The following CNOT9 variants were observed in gnomAD, a reference collection of about 807,000 sequenced individuals.
CNOT9 encodes RCD1 required for cell differentiation1 homolog.
Under a neutral mutation model 37.4 loss-of-function variants are expected in CNOT9, and 8 were observed. The ratio of observed to expected loss-of-function variants is 0.21; its 90% CI spans 0.13 to 0.39. The LOEUF is 0.39. Ranked by LOEUF, CNOT9 falls within the 10% of genes least tolerant of loss-of-function variation. The pLI is 1.00. For synonymous variants in CNOT9, 120 were observed against 137.6 expected (o/e 0.87, Z 0.90); for missense variants, 154 against 365.3 (o/e 0.42, Z 4.71).
In CNOT9 at chr2:218,592,459, T is replaced by C. The variant is rs1694811602; in HGVS notation, c.639+57T>C. 1 of 1,518,456 alleles carries C rather than the reference T, an allele frequency of 6.6e-7. No individual in the cohort carries two copies. The highest frequency in any genetic ancestry group is 1.7e-5 in the Admixed American group (1 of 59,840). 94.1% of individuals were successfully genotyped at this position (1,518,456 alleles called of 1,614,324 possible). Reference sequence around the variant, plus strand: ...ACTTCTCATCACAAAGCTTAATCTCTTTATAACTGGCATTGAACAACTTCA... The same window carrying C: ...ACTTCTCATCACAAAGCTTAATCTCCTTATAACTGGCATTGAACAACTTCA... On this transcript the variant is annotated intron_variant, in intron 6 of 7. Coordinates refer to ENST00000273064, the MANE Select transcript of CNOT9 (RefSeq NM_005444.3). This position sits in a 1 kb window ranked among gnomAD's most constrained non-coding sequence, Gnocchi z 4.1.
intron 7 of CNOT9, chr2:218,593,553 T>G: frequency 6.7e-7 from 1 of 1,503,130 alleles, no homozygotes; most frequent in Non-Finnish European, 8.9e-7. Flanking sequence ...TTTCTGCTGG[T>G]CATCTTTTCA....
In CNOT9 at chr2:218,596,208, G is replaced by A. The variant is rs1694922194; in HGVS notation, c.*1932G>A. The A allele has an allele frequency of 6.6e-6, 1 of 152,130 alleles. No homozygotes were observed. Among genetic ancestry groups the A allele is most frequent in the Non-Finnish European group, 1.5e-5 (1 of 68,046 alleles). 9.4% of individuals were successfully genotyped at this position (152,130 alleles called of 1,614,324 possible). On this transcript the variant is annotated 3_prime_UTR_variant, in exon 8 of 8. Transcript: ENST00000273064. Reference sequence around the variant, plus strand: ...CTTCTCTCCATCTTTCGGTGCATTGGCCATGTTACTGTGCCAAAGTGTCTT... The same window carrying A: ...CTTCTCTCCATCTTTCGGTGCATTGACCATGTTACTGTGCCAAAGTGTCTT...
chr2:218,594,478 A>C lies in CNOT9; in HGVS notation c.*202A>C. 1 of 580,556 alleles carries C rather than the reference A, an allele frequency of 1.7e-6. No homozygotes were observed. Among genetic ancestry groups the C allele is most frequent in the South Asian group, 2.3e-5 (1 of 42,700 alleles). The allele number at this position is 580,556 out of a possible 1,614,324, so 36.0% of individuals were successfully genotyped here. On this transcript the variant is annotated 3_prime_UTR_variant, in exon 8 of 8. Transcript: ENST00000273064. The stretch of plus-strand genomic sequence containing the variant: ...CTTGAGGACCTGGGCTCCCTCTGCT[A>C]CTCCCAGGAAATGGGCTCCTGACAC...
intron 3 of CNOT9, among the ~76,000 whole-genome samples, chr2:218,583,433 G>A (rs1694485042): frequency 6.6e-6 from 1 of 152,102 alleles, no homozygotes; most frequent in Non-Finnish European, 1.5e-5. Flanking sequence ...ATAGTGCATG[G>A]CATATAAGAG....
intron 2 of CNOT9, 136 bp from the exon 3 acceptor site, chr2:218,582,835 C>T: frequency 1.6e-6 from 1 of 612,870 alleles, no homozygotes; most frequent in South Asian, 2.0e-5. Flanking sequence ...TCTGCTCCCT[C>T]TTTGATGACT....
chr2:218,581,787 A>G (rs1694392750), intron 2 of CNOT9, among the ~76,000 whole-genome samples: 1 of 152,236 alleles, frequency 6.6e-6, no homozygotes, highest in Non-Finnish European at 1.5e-5. Context: ...AAATAATGTA[A>G]ATGGAAAATT....
chr2:218,585,638 A>T (rs1427391322), intron 4 of CNOT9, among the ~76,000 whole-genome samples: 13 of 41,908 alleles, frequency 3.1e-4, no homozygotes, highest in Admixed American at 1.9e-3. Flanking sequence ...TTTTTATTTT[A>T]TTTTTTTTTT....
chr2:218,568,849 C>G lies in CNOT9; in HGVS notation c.-106C>G. ...CGAAGTGGGCGGAGCGAGCCGGAGT[C>G]GGATGGCGGCTACGGCGGCTCATTG... On this transcript the variant is annotated 5_prime_UTR_variant, in exon 1 of 8. Transcript: ENST00000273064. The G allele has an allele frequency of 7.5e-7, 1 of 1,337,068 alleles. No homozygotes were observed. Among genetic ancestry groups the G allele is most frequent in the Non-Finnish European group, 1.0e-6 (1 of 962,582 alleles). 82.8% of individuals were successfully genotyped at this position (1,337,068 alleles called of 1,614,324 possible).
chr2:218,590,595 T>C (rs1200020309), intron 5 of CNOT9, among the ~76,000 whole-genome samples: 4 of 152,164 alleles, frequency 2.6e-5, no homozygotes, highest in South Asian at 2.1e-4. Context: ...CTAAAGTCAA[T>C]GTATCAGGAG....
intron 5 of CNOT9, among the ~76,000 whole-genome samples, chr2:218,589,522 G>C (rs577520236): frequency 7.2e-5 from 11 of 152,208 alleles, no homozygotes; most frequent in Middle Eastern, 3.4e-3. Flanking sequence ...TTTTTGTAAA[G>C]ACAAGGTCTC....
Position 218,595,629 on chromosome 2 carries a change from T to A in CNOT9, c.*1353T>A, listed in dbSNP as rs1161496121. 1 of 151,530 alleles carries A rather than the reference T, an allele frequency of 6.6e-6. No individual in the cohort carries two copies. The highest frequency in any genetic ancestry group is 1.5e-5 in the Non-Finnish European group (1 of 67,924). The allele number at this position is 151,530 out of a possible 1,614,324, so 9.4% of individuals were successfully genotyped here. ...GCTAGCACCTGCTTTCTCATCCCTATCTCCAGTCAAAGATGGGATTGCTTA... is the reference window on the plus strand; with the variant it reads ...GCTAGCACCTGCTTTCTCATCCCTAACTCCAGTCAAAGATGGGATTGCTTA... On this transcript the variant is annotated 3_prime_UTR_variant, in exon 8 of 8. Coordinates refer to ENST00000273064, the MANE Select transcript of CNOT9 (RefSeq NM_005444.3).
At chr2:218,590,737 A>G (rs969698841) in intron 5 of CNOT9, among the ~76,000 whole-genome samples, 2 of 152,022 alleles carry the variant, frequency 1.3e-5, no homozygotes, top group Non-Finnish European at 2.9e-5. Flanking sequence ...GCATGTTCAA[A>G]TCTCTTTCTG....
rs913772090 is a variant in CNOT9, at chr2:218,580,584, A to G, written c.48A>G (p.Gln16=). 6.2e-7 allele frequency: 1 copy of G among 1,613,516 alleles called. No homozygotes were observed. Among genetic ancestry groups the G allele is most frequent in the Non-Finnish European group, 8.5e-7 (1 of 1,179,640 alleles). The change falls in exon 2 of 8, where the codon CAA becomes CAG. Residue 16 remains glutamine (Q), a synonymous_variant. Coordinates refer to ENST00000273064, the MANE Select transcript of CNOT9 (RefSeq NM_005444.3). The part of the protein sequence containing the change: ...TAAPVPTTLA[Q]VDREKIYQWI... ...AGCCTGTGCCTACTACACTGGCACAAGTGGATAGAGAAAAGATCTATCAGT... is the reference window on the plus strand; with the variant it reads ...AGCCTGTGCCTACTACACTGGCACAGGTGGATAGAGAAAAGATCTATCAGT...
intron 5 of CNOT9, among the ~76,000 whole-genome samples, chr2:218,590,823 T>TG (rs202145653): frequency 7.0e-6 from 1 of 143,064 alleles, no homozygotes; most frequent in South Asian, 2.3e-4. Context: ...TTGTTGTTGT[T>TG]TTGTTTGTTT....
At chr2:218,581,163 T>C in intron 2 of CNOT9, 1 of 297,740 alleles carries the variant, frequency 3.4e-6, no homozygotes. Flanking sequence ...TTTTTTTGTT[T>C]GTTTTTCTTT....
chr2:218,583,254 TCTCTCTCTCTC>T (rs1694476733), intron 3 of CNOT9, among the ~76,000 whole-genome samples, 168 bp downstream of exon 3: 7 of 50,424 alleles, frequency 1.4e-4, no homozygotes, highest in African/African-American at 5.6e-4. Context: ...TCTCTCTCTC[TCTCTCTCTCTC>T]TCTCTCTCTC....
chr2:218,568,873 T>G lies in CNOT9; in HGVS notation c.-82T>G. 6.6e-7 allele frequency: 1 copy of G among 1,504,110 alleles called. No homozygotes were observed. Among genetic ancestry groups the G allele is most frequent in the South Asian group, 1.2e-5 (1 of 84,070 alleles). The allele number at this position is 1,504,110 out of a possible 1,614,324, so 93.2% of individuals were successfully genotyped here. A position where few individuals can be genotyped will look rare whatever the true frequency, so the allele number is the denominator to read the frequency against. On this transcript the variant is annotated 5_prime_UTR_variant, in exon 1 of 8. It adds an upstream start codon to the 5' untranslated region. Coordinates refer to ENST00000273064, the MANE Select transcript of CNOT9 (RefSeq NM_005444.3). The stretch of plus-strand genomic sequence containing the variant: ...TCGGATGGCGGCTACGGCGGCTCAT[T>G]GTTTTCCGCTGCAGGGGTGCTGAAG...
At position 218,592,810 on chromosome 2, in the gene CNOT9, A is replaced by T; in HGVS notation, c.731+103A>T. 1.2e-6 allele frequency: 1 copy of T among 853,006 alleles called. No homozygotes were observed. The highest frequency in any genetic ancestry group is 1.9e-6 in the Non-Finnish European group (1 of 521,546). 52.8% of individuals were successfully genotyped at this position (853,006 alleles called of 1,614,324 possible). A position where few individuals can be genotyped will look rare whatever the true frequency, so the allele number is the denominator to read the frequency against. ...GTGTCTTTAGGACAGGGAAGTGGGGATATAACTGCATTTAGTTTGTCTGAG... is the reference window on the plus strand; with the variant it reads ...GTGTCTTTAGGACAGGGAAGTGGGGTTATAACTGCATTTAGTTTGTCTGAG... On this transcript the variant is annotated intron_variant, in intron 7 of 7. Coordinates refer to ENST00000273064, the MANE Select transcript of CNOT9 (RefSeq NM_005444.3). The surrounding 1 kb of genome is among the most constrained non-coding windows in gnomAD (Gnocchi z 4.1).
intron 3 of CNOT9, among the ~76,000 whole-genome samples, 200 bp from the exon 4 acceptor site, chr2:218,584,412 G>T (rs774503609): frequency 6.6e-6 from 1 of 152,158 alleles, no homozygotes; most frequent in Non-Finnish European, 1.5e-5. Flanking sequence ...TCCAGACATT[G>T]CCACATGTCC....
Sources: allele counts gnomAD v4.1 joint callset (sites outside exome capture counted in the v4.1 genomes callset), GRCh38; gene constraint gnomAD v4.1.1; non-coding constraint Gnocchi (gnomAD v3.1); transcripts MANE v1.5; gene names NCBI Gene and HGNC (gene_info 2026-07-23, HGNC 2026-07-21).